Variants in ACBD6 observed in about 807,000 individuals in gnomAD.
ACBD6 encodes acyl-CoA-binding domain-containing protein 6.
In ACBD6, 28 loss-of-function variants were observed where a neutral mutation model predicts 37.2. That is an observed-to-expected ratio of 0.75 (90% CI 0.56 to 1.03). The LOEUF is 1.03. Ranked by LOEUF, ACBD6 falls within the 50% of genes least tolerant of loss-of-function variation. ACBD6 has a pLI of 0.00. For missense variants in ACBD6, 340 were observed against 337.4 expected, an observed-to-expected ratio of 1.01 and a Z score of -0.06; for synonymous variants, 113 against 126.8, an observed-to-expected ratio of 0.89 and a Z score of 0.73.
chr1:180,483,047 C>A (rs1488688220), intron 3 of ACBD6, among the ~76,000 whole-genome samples: 1 of 152,130 alleles, frequency 6.6e-6, no homozygotes, highest in Non-Finnish European at 1.5e-5. Context: ...AGAGTAAAAG[C>A]CACAATCCTT....
chr1:180,360,981 AGG>A (rs1652824907), intron 6 of ACBD6, among the ~76,000 whole-genome samples: 1 of 152,126 alleles, frequency 6.6e-6, no homozygotes, highest in Non-Finnish European at 1.5e-5. Flanking sequence ...CATCACGCAA[AGG>A]GGGGTCAGTT....
intron 6 of ACBD6, among the ~76,000 whole-genome samples, chr1:180,356,654 C>G (rs1484013353): frequency 2.0e-5 from 3 of 151,668 alleles, no homozygotes; most frequent in Non-Finnish European, 2.9e-5. Context: ...CAAGACCAAC[C>G]TGGGCAGTAT....
chr1:180,446,340 A>C (rs1350562593), intron 3 of ACBD6, among the ~76,000 whole-genome samples: 1 of 152,080 alleles, frequency 6.6e-6, no homozygotes, highest in Non-Finnish European at 1.5e-5. Flanking sequence ...ATGTTTACAT[A>C]AAGTACTCCA....
chr1:180,491,864 C>T (rs148015755), intron 3 of ACBD6, among the ~76,000 whole-genome samples: 3,035 of 152,246 alleles, frequency 0.02, 98 homozygotes, highest in African/African-American at 0.068. Flanking sequence ...GGCTGGAGTG[C>T]AGTGGCCTGA....
intron 3 of ACBD6, among the ~76,000 whole-genome samples, chr1:180,470,945 A>G (rs1420745178): frequency 1.3e-5 from 2 of 152,254 alleles, no homozygotes; most frequent in African/African-American, 4.8e-5. Flanking sequence ...GATGAAATAA[A>G]TCCGTCTCTT....
intron 6 of ACBD6, among the ~76,000 whole-genome samples, chr1:180,329,597 C>A (rs779568362): frequency 3.9e-5 from 6 of 152,052 alleles, no homozygotes; most frequent in African/African-American, 1.4e-4. Flanking sequence ...TGGTTTTAGG[C>A]TATATTCTTT....
intron 7 of ACBD6, among the ~76,000 whole-genome samples, chr1:180,302,082 T>C (rs1303865430): frequency 6.6e-6 from 1 of 151,964 alleles, no homozygotes; most frequent in African/African-American, 2.4e-5. Context: ...ATAAACCTAA[T>C]GTAAATGATG....
At chr1:180,351,272 G>T (rs901906453) in intron 6 of ACBD6, among the ~76,000 whole-genome samples, 3 of 119,160 alleles carry the variant, frequency 2.5e-5, no homozygotes, top group African/African-American at 9.2e-5. Flanking sequence ...TTACCTGCCA[G>T]ATATTACGTT....
intron 1 of ACBD6, among the ~76,000 whole-genome samples, chr1:180,500,883 A>G (rs182540595): frequency 1.2e-3 from 175 of 151,120 alleles, no homozygotes; most frequent in African/African-American, 4.2e-3. Flanking sequence ...GCTTCTCTGC[A>G]AAGTGTCATG....
intron 6 of ACBD6, among the ~76,000 whole-genome samples, chr1:180,393,143 G>C (rs982724467): frequency 6.6e-6 from 1 of 152,176 alleles, no homozygotes; most frequent in Non-Finnish European, 1.5e-5. Context: ...AATGTGGCAA[G>C]AACCTAACTT....
intron 1 of ACBD6, 140 bp downstream of exon 1, chr1:180,501,905 C>CAAAAAAAAAA: frequency 4.9e-6 from 3 of 611,202 alleles, no homozygotes; most frequent in Non-Finnish European, 5.6e-6. Context: ...AGCAGATGGT[C>CAAAAAAAAAA]AAAAAAAAAA....
intron 2 of ACBD6, among the ~76,000 whole-genome samples, chr1:180,493,025 G>T (rs538301606): frequency 1.3e-5 from 2 of 152,012 alleles, no homozygotes; most frequent in South Asian, 4.2e-4. Context: ...GAGGCAGGTG[G>T]ACCACCTGAG....
chr1:180,300,630 A>G (rs1196072125), intron 7 of ACBD6, among the ~76,000 whole-genome samples: 4 of 152,146 alleles, frequency 2.6e-5, no homozygotes, highest in African/African-American at 9.7e-5. Context: ...ATTTTAACAT[A>G]TATGTCATTT....
chr1:180,354,813 T>C (rs959801325), intron 6 of ACBD6, among the ~76,000 whole-genome samples: 3 of 152,186 alleles, frequency 2.0e-5, no homozygotes, highest in Non-Finnish European at 2.9e-5. Context: ...TGTGTATGAC[T>C]GTGCAACTAA....
At chr1:180,467,121 TA>T (rs1351329338) in intron 3 of ACBD6, among the ~76,000 whole-genome samples, 2 of 152,078 alleles carry the variant, frequency 1.3e-5, no homozygotes, top group Non-Finnish European at 2.9e-5. Context: ...TTATATCTTT[TA>T]TTTTTTTAGA....
exon 14 of ACBD6, chr1:180,271,947 A>C: frequency 6.2e-7 from 1 of 1,613,348 alleles, no homozygotes; most frequent in Non-Finnish European, 8.5e-7. Context: ...AGCAGCAAGC[A>C]GGAGAAGGAG....
chr1:180,289,528 T>G (rs1176172240), intron 7 of ACBD6, among the ~76,000 whole-genome samples: 1 of 152,190 alleles, frequency 6.6e-6, no homozygotes, highest in African/African-American at 2.4e-5. Flanking sequence ...TAGACAACAC[T>G]AGAGCATTAC....
intron 1 of ACBD6, among the ~76,000 whole-genome samples, chr1:180,499,817 G>C (rs1188793331): frequency 2.0e-5 from 3 of 152,072 alleles, no homozygotes; most frequent in Non-Finnish European, 4.4e-5. Flanking sequence ...CCAATTTGGA[G>C]GTAATTTTCA....
intron 3 of ACBD6, among the ~76,000 whole-genome samples, chr1:180,479,687 C>T (rs767338582): frequency 1.1e-4 from 17 of 152,012 alleles, no homozygotes; most frequent in Non-Finnish European, 1.9e-4. Context: ...TCACAGGTAC[C>T]CCATATATTT....
Sources: allele counts gnomAD v4.1 joint callset (sites outside exome capture counted in the v4.1 genomes callset), GRCh38; gene constraint gnomAD v4.1.1; transcripts MANE v1.5; gene names NCBI Gene and HGNC (gene_info 2026-07-23, HGNC 2026-07-21).